Variants in MYH4 observed in about 807,000 individuals in gnomAD.
The protein encoded by MYH4 is myosin-4.
MYH4 carries 200 observed loss-of-function variants against 229.9 expected under a neutral mutation model. The ratio of observed to expected loss-of-function variants is 0.87; its 90% CI spans 0.78 to 0.98. The LOEUF (loss-of-function observed/expected upper bound fraction) is 0.98, where lower values mean the gene tolerates loss of function less well. Among genes scored for constraint, MYH4 ranks in the 50% least tolerant of loss-of-function variants. MYH4 has a pLI of 0.00. For missense variants in MYH4, 2,148 were observed against 2,332.6 expected (o/e 0.92, Z 1.63); for synonymous variants, 761 against 834.6 (o/e 0.91, Z 1.52).
rs2072596427 is a variant in MYH4 at position 10,453,123 on chromosome 17, AG to A, written c.3111+28del. The stretch of plus-strand genomic sequence containing the variant: ...TGTCACAATTGTTTATTTCATTGCA[AG>A]GGGAAACATTTTCTTTTTCACACTT... On this transcript the variant is annotated intron_variant, in intron 24 of 39. Transcript: ENST00000255381. 4 of 1,613,456 alleles carry A rather than the reference AG, an allele frequency of 2.5e-6. No individual in the cohort carries two copies. In the African/African-American group the frequency reaches 5.3e-5, roughly 22 times the overall value.
chr17:10,466,135 A>G, intron 4 of MYH4, 138 bp downstream of exon 4: 2 of 1,069,050 alleles, frequency 1.9e-6, no homozygotes, highest in East Asian at 4.8e-5. Context: ...AAAACATATC[A>G]GAGTTTACAA....
intron 11 of MYH4, among the ~76,000 whole-genome samples, chr17:10,461,957 A>G (rs2072708086): frequency 6.6e-6 from 1 of 152,228 alleles, no homozygotes; most frequent in African/African-American, 2.4e-5. Context: ...CAAGACTGCT[A>G]CATTTTTTTA....
rs1263967455 is a variant in MYH4, at chr17:10,461,044, TC to T, written c.1018del (p.Asp340ThrfsTer20). On this transcript the variant is annotated frameshift_variant, in exon 12 of 40. Coordinates refer to ENST00000255381, the MANE Select transcript of MYH4 (RefSeq NM_017533.2). LOFTEE classifies it high-confidence loss of function. ...EELMATDSAV[D>X]ILGFTADEKV... ...TTCATCAGCAGTGAAACCCAGGATG[TC>T]CACAGCACTCTGTCAAAAGAGTTGA... The T allele has an allele frequency of 6.2e-7, 1 of 1,614,034 alleles. No individual in the cohort carries two copies. The highest frequency in any genetic ancestry group is 8.5e-7 in the Non-Finnish European group (1 of 1,179,966).
At chr17:10,450,335 A>G in intron 30 of MYH4, 118 bp downstream of exon 30, 1 of 1,515,614 alleles carries the variant, frequency 6.6e-7, no homozygotes, top group Admixed American at 1.8e-5. Context: ...CCAACCTATA[A>G]TAAAATAAGC....
Position 10,451,331 on chromosome 17 carries a change from T to A in MYH4, c.3860A>T (p.Glu1287Val). ...GATGCTATTTATTTACTGACCTGATTCTGTGTGTAAACGTGCCTTCTGGGC... is the reference window on the plus strand; with the variant it reads ...GATGCTATTTATTTACTGACCTGATACTGTGTGTAAACGTGCCTTCTGGGC... ...LSAQKARLHT[E>V]SGEFSRQLDE... Residue 1287 changes from glutamate (E) to valine (V), a missense_variant, in exon 28 of 40, where the codon GAA becomes GTA. Physicochemically the swap from Glu to Val is moderately radical, Grantham distance 121. Transcript: ENST00000255381. The A allele has an allele frequency of 6.2e-7, 1 of 1,613,810 alleles. No homozygotes were observed. Among genetic ancestry groups the A allele is most frequent in the Non-Finnish European group, 8.5e-7 (1 of 1,179,916 alleles).
chr17:10,450,534 T>G lies in MYH4; in HGVS notation c.4100A>C (p.Lys1367Thr), dbSNP rs971078039. 1 of 1,614,064 alleles carries G rather than the reference T, an allele frequency of 6.2e-7. No homozygotes were observed. Among genetic ancestry groups the G allele is most frequent in the African/African-American group, 1.3e-5 (1 of 74,946 alleles). Residue 1367 changes from lysine (K) to threonine (T), a missense_variant, in exon 30 of 40, where the codon AAG becomes ACG. Lys to Thr is a moderately conservative substitution (Grantham distance 78). Transcript: ENST00000255381. ...AKAELQRGMSKANSEVAQWRT... is the reference protein window; with the variant it reads ...AKAELQRGMSTANSEVAQWRT... ...CCACTGGGCAACCTCACTGTTGGCC[T>G]TGGACATTCCCCTCTGCAGCTCAGC...
At position 10,455,910 on chromosome 17, in the gene MYH4, C is replaced by T; in HGVS notation, c.1969-9G>A. ...AGCTTATTCAAATTCTCCTGTGGAA[C>T]CATATGAAAAGTTTTAAAATCATTT... On this transcript the variant is annotated splice_polypyrimidine_tract_variant and intron_variant, in intron 17 of 39. Coordinates refer to ENST00000255381, the MANE Select transcript of MYH4 (RefSeq NM_017533.2). 6.2e-7 allele frequency: 1 copy of T among 1,614,172 alleles called. No individual in the cohort carries two copies. Among genetic ancestry groups the T allele is most frequent in the Non-Finnish European group, 8.5e-7 (1 of 1,180,008 alleles).
In MYH4 at chr17:10,452,122, G is replaced by A; in HGVS notation, c.3557C>T (p.Thr1186Ile). 6.2e-7 allele frequency: 1 copy of A among 1,614,046 alleles called. No homozygotes were observed. The change falls in exon 27 of 40, where the codon ACC (threonine) becomes ATC (isoleucine). Residue 1186 changes from threonine (T) to isoleucine (I), a missense_variant. Transcript: ENST00000255381. ...QKMRRDLEES[T>I]LQHEATAAAL... ...AGCTGCCGTGGCTTCGTGCTGCAGG[G>A]TGGACTCTTCCAGGTCCCTGCGCAT... is the stretch of plus-strand genomic sequence containing the variant.
At position 10,466,554 on chromosome 17, in the gene MYH4, G is replaced by C. The variant is rs1423192812; in HGVS notation, c.192C>G (p.Thr64=). The C allele has an allele frequency of 6.2e-6, 10 of 1,613,856 alleles. No individual in the cohort carries two copies. The highest frequency in any genetic ancestry group is 1.7e-4 in the Middle Eastern group (1 of 5,824). The change falls in exon 3 of 40, where the codon ACC becomes ACG. Residue 64 remains threonine (T), a synonymous_variant. Coordinates refer to ENST00000255381, the MANE Select transcript of MYH4 (RefSeq NM_017533.2). The part of the protein sequence containing the change: ...SREGGKVTAK[T]EAGATVTVKE... ...TGTTTTTACTCACAGCTCCAGCTTC[G>C]GTCTTGGCTGTCACCTTCCCCCCTT... is the stretch of plus-strand genomic sequence containing the variant.
Position 10,456,507 on chromosome 17 carries a change from TG to T in MYH4, c.1945del (p.Gln649ArgfsTer11). On this transcript the variant is annotated frameshift_variant, in exon 17 of 40. Coordinates refer to ENST00000255381, the MANE Select transcript of MYH4 (RefSeq NM_017533.2). LOFTEE classifies it high-confidence loss of function. The stretch of plus-strand genomic sequence containing the variant: ...TACCCTGAAAAGAGCTGACACTGTC[TG>T]GAAAGAAGAACCCTTCTTTTTGCCA... ...KGGKKKGSSF[Q>X]TVSALFRENL... The T allele has an allele frequency of 1.2e-6, 2 of 1,613,940 alleles. No individual in the cohort carries two copies. The highest frequency in any genetic ancestry group is 2.7e-5 in the African/African-American group (2 of 75,028).
rs1050159971 is a variant in MYH4 at position 10,453,656 on chromosome 17, G to T, written c.2921C>A (p.Ala974Asp). 6 of 1,613,956 alleles carry T rather than the reference G, an allele frequency of 3.7e-6. No individual in the cohort carries two copies. Among genetic ancestry groups the T allele is most frequent in the Non-Finnish European group, 4.2e-6 (5 of 1,179,978 alleles). Residue 974 changes from alanine (A) to aspartate (D), a missense_variant, in exon 23 of 40, where the codon GCC becomes GAC. Ala to Asp is a moderately radical substitution (Grantham distance 126, BLOSUM62 -2). Coordinates refer to ENST00000255381, the MANE Select transcript of MYH4 (RefSeq NM_017533.2). Reference protein sequence around the residue: ...TLAKVEKEKHATENKVKNLTE... With the variant: ...TLAKVEKEKHDTENKVKNLTE... ...CATGATTTGTACCTTGTTCTCTGTGGCATGTTTCTCCTTCTCAACCTTGGC... is the reference window on the plus strand; with the variant it reads ...CATGATTTGTACCTTGTTCTCTGTGTCATGTTTCTCCTTCTCAACCTTGGC...
At position 10,453,242 on chromosome 17, in the gene MYH4, G is replaced by C. The variant is rs1261283879; in HGVS notation, c.3021C>G (p.His1007Gln). The C allele has an allele frequency of 2.5e-6, 4 of 1,614,048 alleles. No homozygotes were observed. The highest frequency in any genetic ancestry group is 1.7e-5 in the Admixed American group (1 of 60,012). Residue 1007 changes from histidine to glutamine, a missense_variant, in exon 24 of 40, where the codon CAC becomes CAG. By Grantham distance (24) the His-to-Gln change is conservative (BLOSUM62 0). Transcript: ENST00000255381. ...TCTGCAGGTCATCCAGGGTCTGCTG[G>C]TGGGCCTCCTGGAGAGCCTTCTTCT... ...TKEKKALQEA[H>Q]QQTLDDLQME... is the part of the protein sequence containing the mutation.
At position 10,452,261 on chromosome 17, in the gene MYH4, G is replaced by A. The variant is rs769526708; in HGVS notation, c.3418C>T (p.Arg1140Cys). The change falls in exon 27 of 40, where the codon CGC (arginine) becomes TGC (cysteine). Residue 1140 changes from arginine (R) to cysteine (C), a missense_variant. Transcript: ENST00000255381. ...RASRAKAEKQRSDLSRELEEI... is the reference protein window; with the variant it reads ...RASRAKAEKQCSDLSRELEEI... ...TCCAGCTCCCGGGAGAGGTCAGAGC[G>A]CTGCTTCTCTGCTTTGGCCCGGGAG... is the stretch of plus-strand genomic sequence containing the variant. The A allele has an allele frequency of 5.1e-5, 83 of 1,613,862 alleles. 1 individual carries two copies. The highest frequency in any genetic ancestry group is 6.7e-5 in the Non-Finnish European group (79 of 1,180,016).
chr17:10,447,111 C>G lies in MYH4; in HGVS notation c.5071G>C (p.Glu1691Gln). ...GTCCGTTCCAGGGATGCCCTGAGCT[C>G]TTCAACTTCAGCCTGCATCAGGTTA... ...RANLMQAEVE[E>Q]LRASLERTER... is the part of the protein sequence containing the mutation. Residue 1691 changes from glutamate (E) to glutamine (Q), a missense_variant, in exon 35 of 40, where the codon GAG becomes CAG. Transcript: ENST00000255381. The G allele has an allele frequency of 6.2e-7, 1 of 1,614,170 alleles. No individual in the cohort carries two copies.
intron 30 of MYH4, among the ~76,000 whole-genome samples, chr17:10,449,910 G>A (rs1597416099): frequency 1.3e-5 from 2 of 152,160 alleles, no homozygotes; most frequent in African/African-American, 4.8e-5. Context: ...TTCACTAGGA[G>A]TATAATGCTT....
In MYH4 at chr17:10,448,477, C is replaced by T. The variant is rs749174436; in HGVS notation, c.4575G>A (p.Lys1525=). 6.2e-7 allele frequency: 1 copy of T among 1,614,006 alleles called. No homozygotes were observed. Among genetic ancestry groups the T allele is most frequent in the South Asian group, 1.1e-5 (1 of 91,072 alleles). The part of the protein sequence containing the change: ...DLTEQIAEGG[K]HIHELEKVKK... ...TTACTTTCTCCAGTTCATGGATATGCTTTCCACCCTCTGCAATTTGCTCTG... is the reference window on the plus strand; with the variant it reads ...TTACTTTCTCCAGTTCATGGATATGTTTTCCACCCTCTGCAATTTGCTCTG... Residue 1525 remains lysine, a synonymous_variant, in exon 33 of 40, where the codon AAG becomes AAA. Coordinates refer to ENST00000255381, the MANE Select transcript of MYH4 (RefSeq NM_017533.2).
intron 19 of MYH4, 26 bp downstream of exon 19, chr17:10,455,588 G>T: frequency 1.2e-6 from 2 of 1,613,194 alleles, no homozygotes; most frequent in Non-Finnish European, 1.7e-6. Flanking sequence ...TAAGACATTG[G>T]AAGGGAAAAA....
chr17:10,455,738 G>A lies in MYH4; in HGVS notation c.2057-7C>T, dbSNP rs1567702655. On this transcript the variant is annotated splice_region_variant and splice_polypyrimidine_tract_variant and intron_variant, in intron 18 of 39. Coordinates refer to ENST00000255381, the MANE Select transcript of MYH4 (RefSeq NM_017533.2). ...AGCTCATGCTCCATGGCACCTAAGA[G>A]AATGAATCCACATGCCATACTTCGT... The A allele has an allele frequency of 1.2e-6, 2 of 1,614,110 alleles. No individual in the cohort carries two copies. Among genetic ancestry groups the A allele is most frequent in the East Asian group, 2.2e-5 (1 of 44,868 alleles).
chr17:10,457,758 G>T, intron 15 of MYH4, 29 bp from the exon 16 acceptor site: 4 of 1,595,104 alleles, frequency 2.5e-6, no homozygotes, highest in Middle Eastern at 1.7e-4. Flanking sequence ...GGATGATAAT[G>T]ATGAGTCCCT....
Sources: gnomAD v4.1 joint callset for allele counts (sites outside exome capture counted in the v4.1 genomes callset) on GRCh38, gnomAD v4.1.1 for gene constraint, MANE v1.5 for transcripts, NCBI Gene and HGNC (gene_info 2026-07-23, HGNC 2026-07-21) for gene names.